BCR: variants seen among roughly 807,000 people sequenced by gnomAD.
BCR encodes BCR activator of RhoGEF and GTPase.
Under a neutral mutation model 138.6 loss-of-function variants are expected in BCR, and 58 were observed. The ratio of observed to expected loss-of-function variants is 0.42; its 90% CI spans 0.34 to 0.52. BCR has a LOEUF of 0.52. Ranked by LOEUF, BCR falls within the 20% of genes least tolerant of loss-of-function variation. The pLI, the probability that BCR is intolerant of heterozygous loss-of-function variation, is 0.06. For missense variants in BCR, 1,599 were observed against 1,727.2 expected (o/e 0.93, Z 1.32); for synonymous variants, 786 against 730.1 (o/e 1.08, Z -1.23).
intron 1 of BCR, among the ~76,000 whole-genome samples, chr22:23,228,673 A>G (rs1034540932): frequency 6.6e-6 from 1 of 152,192 alleles, no homozygotes; most frequent in Non-Finnish European, 1.5e-5. Flanking sequence ...GGACTTTAAG[A>G]TGTTTCATCC....
At chr22:23,228,420 T>TA (rs1438047908) in intron 1 of BCR, among the ~76,000 whole-genome samples, 1 of 152,222 alleles carries the variant, frequency 6.6e-6, no homozygotes, top group East Asian at 1.9e-4. Flanking sequence ...GTCATTCTGT[T>TA]ACTGATTTTT....
At chr22:23,299,656 TG>T (rs2073882985) in intron 16 of BCR, among the ~76,000 whole-genome samples, 1 of 151,504 alleles carries the variant, frequency 6.6e-6, no homozygotes, top group Admixed American at 6.6e-5. Context: ...CATCTGTATC[TG>T]TAAGTTATTT....
At position 23,316,228 on chromosome 22, in the gene BCR, T is replaced by C. The variant is rs2074070517; in HGVS notation, c.*706T>C. On this transcript the variant is annotated 3_prime_UTR_variant, in exon 23 of 23. Transcript: ENST00000305877. ...GGAGGGAACCCCAGGCTACGCACTT[T>C]AGGGTTCGTTCTCCAGGGAGAGCGA... 6.1e-6 allele frequency: 1 copy of C among 165,144 alleles called. No individual in the cohort carries two copies. Among genetic ancestry groups the C allele is most frequent in the South Asian group, 2.3e-4 (1 of 4,334 alleles). 10.2% of individuals were successfully genotyped at this position (165,144 alleles called of 1,614,324 possible). A position where few individuals can be genotyped will look rare whatever the true frequency, so the allele number is the denominator to read the frequency against.
rs779080917 is a variant in BCR, at chr22:23,180,922, C to T, written c.-39C>T. 4 of 1,097,102 alleles carry T rather than the reference C, an allele frequency of 3.6e-6. No individual in the cohort carries two copies. The highest frequency in any genetic ancestry group is 3.3e-6 in the Non-Finnish European group (3 of 898,630). 68.0% of individuals were successfully genotyped at this position (1,097,102 alleles called of 1,614,324 possible). On this transcript the variant is annotated 5_prime_UTR_variant, in exon 1 of 23. Coordinates refer to ENST00000305877, the MANE Select transcript of BCR (RefSeq NM_004327.4). ...GCCGCGCCGCCGCTGAGACGGGCCC[C>T]GCGCGCAGCCCGGCGGCGCAGGTAA...
At chr22:23,231,934 C>T (rs2072964143) in intron 1 of BCR, among the ~76,000 whole-genome samples, 1 of 152,218 alleles carries the variant, frequency 6.6e-6, no homozygotes, top group South Asian at 2.1e-4. Context: ...CTGGCCCTGT[C>T]TTGCCTGCCT....
In BCR at chr22:23,253,105, T is replaced by G. The variant is rs920871083; in HGVS notation, c.1280-694T>G. Among the ~76,000 whole-genome samples the G allele has an allele frequency of 2.0e-5, 3 of 152,028 alleles. 1 individual carries two copies. The highest frequency in any genetic ancestry group is 4.1e-4 in the South Asian group (2 of 4,822). Reference sequence around the variant, plus strand: ...GGAAAATAACTTACTAGCTGACTGGTTTTTAATACAAAGATACAACTCAGG... The same window carrying G: ...GGAAAATAACTTACTAGCTGACTGGGTTTTAATACAAAGATACAACTCAGG... On this transcript the variant is annotated intron_variant, in intron 1 of 22. Coordinates refer to ENST00000305877, the MANE Select transcript of BCR (RefSeq NM_004327.4).
intron 15 of BCR, among the ~76,000 whole-genome samples, 187 bp from the exon 16 acceptor site, chr22:23,294,837 G>A (rs757406995): frequency 2.1e-4 from 32 of 152,202 alleles, no homozygotes; most frequent in Non-Finnish European, 3.5e-4. Flanking sequence ...GCTGGGCCAC[G>A]GTCTCATGCC....
At chr22:23,286,293 C>T (rs969693763) in intron 10 of BCR, among the ~76,000 whole-genome samples, 6 of 152,186 alleles carry the variant, frequency 3.9e-5, no homozygotes. Context: ...TTAGCCAGGC[C>T]AGAGGAGGCG....
At chr22:23,220,523 G>C (rs114268761) in intron 1 of BCR, among the ~76,000 whole-genome samples, 1 of 152,206 alleles carries the variant, frequency 6.6e-6, no homozygotes, top group Admixed American at 6.5e-5. Context: ...CCCCACCCAG[G>C]CTTGGTCTGC....
At chr22:23,292,398 T>C in intron 14 of BCR, 143 bp from the exon 15 acceptor site, 1 of 612,774 alleles carries the variant, frequency 1.6e-6, no homozygotes, top group Non-Finnish European at 2.8e-6. Context: ...CACAATTAGG[T>C]GTTTAATTTT....
rs575752309 is a variant in BCR, at chr22:23,193,516, A to G, written c.1279+11277A>G. Among the ~76,000 whole-genome samples the G allele has an allele frequency of 6.6e-5, 10 of 152,174 alleles. No homozygotes were observed. The South Asian group carries it at 8.3e-4, about 13-fold the overall frequency. ...AGAAGAAATGCATAATTTAGTATGG[A>G]CATTTCACTCACTTGGCTCAGCCAT... On this transcript the variant is annotated intron_variant, in intron 1 of 22. Coordinates refer to ENST00000305877, the MANE Select transcript of BCR (RefSeq NM_004327.4).
intron 1 of BCR, among the ~76,000 whole-genome samples, chr22:23,225,440 C>T (rs1036325991): frequency 6.6e-6 from 1 of 152,230 alleles, no homozygotes; most frequent in African/African-American, 2.4e-5. Flanking sequence ...AGACCGCTGG[C>T]TGGAGACTGG....
Position 23,314,612 on chromosome 22 carries a change from C to T in BCR, c.3624C>T (p.Gly1208=), listed in dbSNP as rs138796724. ...MSLHNLATVF[G]PTLLRPSEKE... is the part of the protein sequence containing the mutation. ...TGCACAACCTCGCCACGGTCTTTGG[C>T]CCCACGCTGCTCCGGCCCTCCGAGA... Residue 1208 remains glycine (G), a synonymous_variant, in exon 22 of 23, where the codon GGC becomes GGT. Coordinates refer to ENST00000305877, the MANE Select transcript of BCR (RefSeq NM_004327.4). 1.5e-4 allele frequency: 243 copies of T among 1,611,960 alleles called. No homozygotes were observed. In the East Asian group the frequency reaches 2.3e-3, roughly 15 times the overall value.
At position 23,180,908 on chromosome 22, in the gene BCR, G is replaced by A. The variant is rs1402987587; in HGVS notation, c.-53G>A. On this transcript the variant is annotated 5_prime_UTR_variant, in exon 1 of 23. Coordinates refer to ENST00000305877, the MANE Select transcript of BCR (RefSeq NM_004327.4). The stretch of plus-strand genomic sequence containing the variant: ...CGGGCTGGCGAGGCGCCGCGCCGCC[G>A]CTGAGACGGGCCCCGCGCGCAGCCC... 3.3e-5 allele frequency: 34 copies of A among 1,034,036 alleles called. No homozygotes were observed. The South Asian group carries it at 7.5e-4, about 23-fold the overall frequency. The allele number at this position is 1,034,036 out of a possible 1,614,324, so 64.1% of individuals were successfully genotyped here. A position where few individuals can be genotyped will look rare whatever the true frequency, so the allele number is the denominator to read the frequency against.
At chr22:23,233,420 C>T (rs1444524967) in intron 1 of BCR, among the ~76,000 whole-genome samples, 1 of 152,192 alleles carries the variant, frequency 6.6e-6, no homozygotes, top group African/African-American at 2.4e-5. Flanking sequence ...ATGAGGCTCC[C>T]TTCTGTGGTG....
intron 8 of BCR, among the ~76,000 whole-genome samples, chr22:23,278,776 T>C (rs971285457): frequency 2.6e-5 from 4 of 152,106 alleles, no homozygotes; most frequent in South Asian, 2.1e-4. Context: ...CCAGACCCTG[T>C]TGGCAAAGTT....
At chr22:23,260,559 G>A (rs979890566) in intron 2 of BCR, among the ~76,000 whole-genome samples, 1 of 152,200 alleles carries the variant, frequency 6.6e-6, no homozygotes, top group Non-Finnish European at 1.5e-5. Flanking sequence ...AAGCCAGGTG[G>A]CCATGCTGTG....
chr22:23,263,954 C>T (rs939666219), intron 4 of BCR: 1 of 904,412 alleles, frequency 1.1e-6, no homozygotes, highest in Non-Finnish European at 1.9e-6. Context: ...GGGACCTCAA[C>T]AGTGGGCAGC....
At position 23,271,600 on chromosome 22, in the gene BCR, C is replaced by T. The variant is rs1489772972; in HGVS notation, c.1921+8C>T. On this transcript the variant is annotated splice_region_variant and intron_variant, in intron 6 of 22. Transcript: ENST00000305877. ...CCAAGAACTCTCTGGAAAGTGAGTT[C>T]TGCATGCTGAGGTCTCTGTGTGCCC... 6.2e-7 allele frequency: 1 copy of T among 1,613,672 alleles called. No homozygotes were observed. The highest frequency in any genetic ancestry group is 8.5e-7 in the Non-Finnish European group (1 of 1,179,820).
Sources: gnomAD v4.1 joint callset for allele counts (sites outside exome capture counted in the v4.1 genomes callset) on GRCh38, gnomAD v4.1.1 for gene constraint, MANE v1.5 for transcripts, NCBI Gene and HGNC (gene_info 2026-07-23, HGNC 2026-07-21) for gene names.